CBLIF: variants seen among roughly 807,000 people sequenced by gnomAD.
The protein encoded by CBLIF is gastric intrinsic factor (vitamin B synthesis).
Under a neutral mutation model 44.9 loss-of-function variants are expected in CBLIF, and 24 were observed. The observed-to-expected ratio is 0.53, with a 90% CI of 0.39 to 0.75. The LOEUF (loss-of-function observed/expected upper bound fraction) is 0.75, where lower values mean the gene tolerates loss of function less well. Among genes scored for constraint, CBLIF ranks in the 30% least tolerant of loss-of-function variants. CBLIF has a pLI of 0.00. For synonymous variants in CBLIF, 183 were observed against 190.9 expected (o/e 0.96, Z 0.34); for missense variants, 481 against 513.0 (o/e 0.94, Z 0.60).
intron 5 of CBLIF, among the ~76,000 whole-genome samples, chr11:59,838,844 C>G (rs1315092959): frequency 6.9e-6 from 1 of 145,472 alleles, no homozygotes; most frequent in African/African-American, 2.6e-5. Flanking sequence ...TCTTTTCTTT[C>G]TTTCTTTTTT....
chr11:59,836,146 T>C (rs1866454100), intron 6 of CBLIF, 137 bp from the exon 7 acceptor site: 2 of 760,198 alleles, frequency 2.6e-6, no homozygotes, highest in Non-Finnish European at 4.7e-6. Context: ...ACAAAGTACT[T>C]GGACAACTAG....
At chr11:59,830,920 T>C (rs1449983331) in intron 8 of CBLIF, among the ~76,000 whole-genome samples, 1 of 152,194 alleles carries the variant, frequency 6.6e-6, no homozygotes, top group African/African-American at 2.4e-5. Context: ...AAGATTTTGC[T>C]AAATACATGA....
rs759472187 is a variant in CBLIF, at chr11:59,831,775, A to T, written c.1095T>A (p.Ser365=). 3.8e-6 allele frequency: 6 copies of T among 1,595,920 alleles called. No individual in the cohort carries two copies. In the South Asian group the frequency reaches 6.6e-5, roughly 18 times the overall value. Residue 365 remains serine, a synonymous_variant, in exon 8 of 9, where the codon TCT becomes TCA. Transcript: ENST00000257248. ...PMFKFETTMT[S]WGLVVSSINN... The stretch of plus-strand genomic sequence containing the variant: ...TGATAGAAGAGACGACAAGGCCCCA[A>T]GATGTCATTGTGGTTTCAAATCTAA...
chr11:59,845,002 T>C (rs1866586730), intron 1 of CBLIF, among the ~76,000 whole-genome samples: 2 of 152,242 alleles, frequency 1.3e-5, no homozygotes. Flanking sequence ...TGCATGCCAC[T>C]GCGCCCAGCT....
chr11:59,834,115 C>A (rs986825846), intron 7 of CBLIF, among the ~76,000 whole-genome samples: 3 of 152,208 alleles, frequency 2.0e-5, no homozygotes, highest in African/African-American at 7.2e-5. Context: ...TGCATGGGTT[C>A]TTGACTTAGG....
At chr11:59,832,116 C>A (rs560029866) in intron 7 of CBLIF, among the ~76,000 whole-genome samples, 3 of 152,092 alleles carry the variant, frequency 2.0e-5, no homozygotes, top group Non-Finnish European at 1.5e-5. Context: ...ATGCTTTAAC[C>A]AGTTTACTAT....
In CBLIF at chr11:59,842,521, T is replaced by TC. The variant is rs1866548484; in HGVS notation, c.432dup (p.Lys145GlufsTer4). ...ATCGGCAAGGTCGCCTCAGAGTTCT[T>TC]CTGGCACAGTGCCAAGATCGCTAGA... On this transcript the variant is annotated frameshift_variant, in exon 4 of 9. Transcript: ENST00000257248. LOFTEE classifies it high-confidence loss of function. The TC allele has an allele frequency of 6.2e-7, 1 of 1,612,312 alleles. No individual in the cohort carries two copies. The highest frequency in any genetic ancestry group is 1.3e-5 in the African/African-American group (1 of 74,932).
intron 8 of CBLIF, among the ~76,000 whole-genome samples, chr11:59,830,789 C>T (rs34973186): frequency 0.059 from 9,026 of 152,194 alleles, 390 homozygotes; most frequent in East Asian, 0.16. Context: ...GAAACTGGCT[C>T]ACAGATTTAC....
chr11:59,844,211 C>T (rs1385793849), intron 1 of CBLIF, among the ~76,000 whole-genome samples, 156 bp from the exon 2 acceptor site: 1 of 152,072 alleles, frequency 6.6e-6, no homozygotes, highest in African/African-American at 2.4e-5. Context: ...GATCTCGGCT[C>T]ACTGCAAACT....
intron 3 of CBLIF, 38 bp downstream of exon 3, chr11:59,842,987 CCAT>C: frequency 8.9e-7 from 1 of 1,126,180 alleles, no homozygotes; most frequent in Non-Finnish European, 1.3e-6. Flanking sequence ...TTAGGTAAAA[CCAT>C]ATGCCTGACT....
At chr11:59,843,227 A>G (rs910035352) in intron 2 of CBLIF, 86 bp from the exon 3 acceptor site, 28 of 794,598 alleles carry the variant, frequency 3.5e-5, no homozygotes, top group Non-Finnish European at 6.0e-5. Context: ...TCTGCTTTTT[A>G]TCTAGAGCAT....
At position 59,829,428 on chromosome 11, in the gene CBLIF, A is replaced by C. The variant is rs886048401; in HGVS notation, c.*56T>G. ...TTTGCATAGATTTAAAATGAAGTGGAAAAAATTTCACCCATCCTTTGGAGA... is the reference window on the plus strand; with the variant it reads ...TTTGCATAGATTTAAAATGAAGTGGCAAAAATTTCACCCATCCTTTGGAGA... On this transcript the variant is annotated 3_prime_UTR_variant, in exon 9 of 9. Coordinates refer to ENST00000257248, the MANE Select transcript of CBLIF (RefSeq NM_005142.3). 11 of 1,116,236 alleles carry C rather than the reference A, an allele frequency of 9.9e-6. No individual in the cohort carries two copies. Among genetic ancestry groups the C allele is most frequent in the Middle Eastern group, 2.0e-4 (1 of 5,114 alleles). The allele number at this position is 1,116,236 out of a possible 1,614,324, so 69.1% of individuals were successfully genotyped here.
intron 6 of CBLIF, 110 bp from the exon 7 acceptor site, chr11:59,836,119 G>A: frequency 1.2e-6 from 1 of 857,836 alleles, no homozygotes; most frequent in East Asian, 2.4e-5. Context: ...AGAAAGTAGT[G>A]AGTTTCATAC....
chr11:59,835,645 T>A, intron 7 of CBLIF, 163 bp downstream of exon 7: 1 of 681,264 alleles, frequency 1.5e-6, no homozygotes. Context: ...ATGATTTAAG[T>A]TTTCATGAGA....
chr11:59,841,046 G>A, intron 5 of CBLIF, 97 bp downstream of exon 5: 1 of 898,546 alleles, frequency 1.1e-6, no homozygotes, highest in South Asian at 1.3e-5. Context: ...ATACTAGCTG[G>A]ACTTTCACAG....
intron 8 of CBLIF, 165 bp downstream of exon 8, chr11:59,831,513 T>A (rs1196843820): frequency 1.1e-5 from 5 of 444,362 alleles, no homozygotes; most frequent in South Asian, 2.6e-5. Flanking sequence ...AAAATATATG[T>A]GTGTATACAT....
In CBLIF at chr11:59,835,858, T is replaced by G; in HGVS notation, c.1023A>C (p.Ser341=). Residue 341 remains serine, a synonymous_variant, in exon 7 of 9, where the codon TCA becomes TCC. Coordinates refer to ENST00000257248, the MANE Select transcript of CBLIF (RefSeq NM_005142.3). ...ETINVSVKSG[S]VLLVVLEEAQ... ...CTTCCTCTAGGACAACAAGTAACACTGACCCACTTTTCACACTAACATTGA... is the reference window on the plus strand; with the variant it reads ...CTTCCTCTAGGACAACAAGTAACACGGACCCACTTTTCACACTAACATTGA... 6.2e-7 allele frequency: 1 copy of G among 1,614,198 alleles called. No homozygotes were observed. Among genetic ancestry groups the G allele is most frequent in the Non-Finnish European group, 8.5e-7 (1 of 1,180,002 alleles).
intron 5 of CBLIF, among the ~76,000 whole-genome samples, chr11:59,838,512 C>T (rs185460593): frequency 1.8e-3 from 281 of 152,168 alleles, no homozygotes; most frequent in Non-Finnish European, 3.1e-3. Context: ...AGAGAGGAGT[C>T]AGAAACGGCT....
chr11:59,830,633 G>A (rs1866362069), intron 8 of CBLIF, among the ~76,000 whole-genome samples: 10 of 152,068 alleles, frequency 6.6e-5, no homozygotes, highest in Admixed American at 6.6e-4. Flanking sequence ...TGAAGGTGAT[G>A]GGAAAACTAA....
Sources: gnomAD v4.1 joint callset for allele counts (sites outside exome capture counted in the v4.1 genomes callset) on GRCh38, gnomAD v4.1.1 for gene constraint, MANE v1.5 for transcripts, NCBI Gene and HGNC (gene_info 2026-07-23, HGNC 2026-07-21) for gene names.